BICC1: variants seen among roughly 807,000 people sequenced by gnomAD.
The protein encoded by BICC1 is BicC family RNA binding protein 1.
Under a neutral mutation model 111.0 loss-of-function variants are expected in BICC1, and 43 were observed. The observed-to-expected ratio is 0.39, with a 90% CI of 0.30 to 0.50. BICC1 has a LOEUF of 0.50. BICC1 is among the 20% of genes least tolerant of loss of function. The pLI is 0.88. For synonymous variants in BICC1, 467 were observed against 434.4 expected (o/e 1.07, Z -0.93); for missense variants, 1,091 against 1,203.2 (o/e 0.91, Z 1.38).
chr10:58,525,619 G>T (rs1439006281), intron 1 of BICC1, among the ~76,000 whole-genome samples: 1 of 150,048 alleles, frequency 6.7e-6, no homozygotes, highest in African/African-American at 2.4e-5. Flanking sequence ...GTTAAATAAT[G>T]AGTTAATGGG....
chr10:58,665,654 T>A (rs1382849064), intron 2 of BICC1, among the ~76,000 whole-genome samples: 1 of 152,204 alleles, frequency 6.6e-6, no homozygotes, highest in East Asian at 1.9e-4. Context: ...ATCTACACTG[T>A]GAATCACTAA....
At chr10:58,806,851 A>T (rs549998933) in intron 16 of BICC1, among the ~76,000 whole-genome samples, 153 bp from the exon 17 acceptor site, 28 of 152,280 alleles carry the variant, frequency 1.8e-4, no homozygotes, top group African/African-American at 6.0e-4. Flanking sequence ...TGGATAAAAT[A>T]TTTCATTAAG....
At chr10:58,525,613 A>C (rs1842512994) in intron 1 of BICC1, among the ~76,000 whole-genome samples, 1 of 149,464 alleles carries the variant, frequency 6.7e-6, no homozygotes, top group Non-Finnish European at 1.5e-5. Flanking sequence ...CCTAATGTTA[A>C]ATAATGAGTT....
At chr10:58,624,633 G>A (rs1845929537) in intron 2 of BICC1, among the ~76,000 whole-genome samples, 1 of 152,020 alleles carries the variant, frequency 6.6e-6, no homozygotes, top group Admixed American at 6.6e-5. Flanking sequence ...TTGCTGTGTT[G>A]CCCAGGCTGG....
intron 2 of BICC1, among the ~76,000 whole-genome samples, chr10:58,688,178 T>C (rs1839801486): frequency 6.6e-6 from 1 of 152,016 alleles, no homozygotes; most frequent in South Asian, 2.1e-4. Flanking sequence ...GAACAAAGCT[T>C]CCACAGTGTG....
At chr10:58,661,941 A>C (rs1041047298) in intron 2 of BICC1, among the ~76,000 whole-genome samples, 1 of 152,220 alleles carries the variant, frequency 6.6e-6, no homozygotes, top group Non-Finnish European at 1.5e-5. Flanking sequence ...ATAGAAAACT[A>C]TACTTTTTAA....
At chr10:58,531,531 CA>C (rs1318318595) in intron 1 of BICC1, among the ~76,000 whole-genome samples, 1 of 151,784 alleles carries the variant, frequency 6.6e-6, no homozygotes, top group East Asian at 1.9e-4. Context: ...GGCACACAAA[CA>C]GGGAAAATAT....
At chr10:58,687,643 C>G (rs1839778631) in intron 2 of BICC1, among the ~76,000 whole-genome samples, 1 of 152,218 alleles carries the variant, frequency 6.6e-6, no homozygotes, top group South Asian at 2.1e-4. Context: ...GTGAGTGAGG[C>G]TCCGTGGGCA....
chr10:58,768,057 A>G (rs1842506557), intron 3 of BICC1, among the ~76,000 whole-genome samples: 1 of 152,194 alleles, frequency 6.6e-6, no homozygotes, highest in Non-Finnish European at 1.5e-5. Flanking sequence ...AAAACTTCCC[A>G]TATCATGGGA....
chr10:58,806,312 A>T (rs1472579520), intron 15 of BICC1, among the ~76,000 whole-genome samples: 1 of 151,612 alleles, frequency 6.6e-6, no homozygotes, highest in Non-Finnish European at 1.5e-5. Context: ...GGTAAATAAG[A>T]TTTTTTTTTC....
chr10:58,600,227 G>A (rs369138728), intron 1 of BICC1, among the ~76,000 whole-genome samples: 3 of 152,010 alleles, frequency 2.0e-5, no homozygotes, highest in African/African-American at 7.2e-5. Context: ...ATAGCACCCC[G>A]TTTTTCAAAA....
intron 1 of BICC1, among the ~76,000 whole-genome samples, chr10:58,561,417 A>G (rs1259981719): frequency 2.0e-5 from 3 of 151,652 alleles, no homozygotes; most frequent in Non-Finnish European, 4.4e-5. Context: ...TCATCCCTTC[A>G]TGTTCAGTCT....
chr10:58,599,478 C>T (rs1469895132), intron 1 of BICC1, among the ~76,000 whole-genome samples: 2 of 152,074 alleles, frequency 1.3e-5, no homozygotes, highest in Non-Finnish European at 2.9e-5. Context: ...GGGAGGGGAA[C>T]ATCACACACT....
At chr10:58,568,541 GA>G (rs1843842167) in intron 1 of BICC1, among the ~76,000 whole-genome samples, 1 of 152,108 alleles carries the variant, frequency 6.6e-6, no homozygotes, top group South Asian at 2.1e-4. Context: ...TGGCAAGAAT[GA>G]AAGGAAAGGA....
At chr10:58,691,819 A>G (rs1466229932) in intron 2 of BICC1, among the ~76,000 whole-genome samples, 1 of 152,104 alleles carries the variant, frequency 6.6e-6, no homozygotes, top group African/African-American at 2.4e-5. Flanking sequence ...TTTCTCCATT[A>G]TCATGCACAT....
chr10:58,736,126 G>A (rs1021428636), intron 3 of BICC1, among the ~76,000 whole-genome samples: 2 of 152,210 alleles, frequency 1.3e-5, no homozygotes, highest in Non-Finnish European at 2.9e-5. Flanking sequence ...AAGGAGATGT[G>A]TGTATTGGGG....
At chr10:58,670,171 A>G (rs1050750968) in intron 2 of BICC1, among the ~76,000 whole-genome samples, 10 of 152,136 alleles carry the variant, frequency 6.6e-5, no homozygotes, top group Non-Finnish European at 1.5e-4. Context: ...CCAATCTTCT[A>G]TCTGTTCATC....
chr10:58,618,665 T>C (rs1263750186), intron 1 of BICC1, among the ~76,000 whole-genome samples: 1 of 152,222 alleles, frequency 6.6e-6, no homozygotes. Context: ...ACACAGTGTC[T>C]GGGTGCAGTT....
At chr10:58,711,581 C>G (rs182850261) in intron 3 of BICC1, among the ~76,000 whole-genome samples, 1 of 152,260 alleles carries the variant, frequency 6.6e-6, no homozygotes, top group East Asian at 1.9e-4. Flanking sequence ...AGACTGAGGA[C>G]CTGAGCTTGG....
Sources: gnomAD v4.1 joint callset for allele counts (sites outside exome capture counted in the v4.1 genomes callset) on GRCh38, gnomAD v4.1.1 for gene constraint, MANE v1.5 for transcripts, NCBI Gene and HGNC (gene_info 2026-07-23, HGNC 2026-07-21) for gene names.